The following ZNF841 variants were observed in gnomAD, a reference collection of about 807,000 sequenced individuals.
ZNF841 encodes zinc finger protein 841, also known as TCONS_00006091.
A neutral mutation model predicts 13.0 loss-of-function variants in ZNF841; 11 were observed. That is an observed-to-expected ratio of 0.85 (90% CI 0.53 to 1.40). The LOEUF is 1.40. Among genes scored for constraint, ZNF841 ranks in the 40% most tolerant of loss-of-function variants. The probability of loss-of-function intolerance (pLI) is 0.00; values close to 1 mark genes in which losing one functional copy is unlikely to be tolerated. For synonymous variants in ZNF841, 369 were observed against 381.6 expected (o/e 0.97, Z 0.38); for missense variants, 1,068 against 1,139.5 (o/e 0.94, Z 0.90).
chr19:52,058,492 G>C, the ZNF841 span: 1 of 152,266 alleles, frequency 6.6e-6, no homozygotes, highest in African/African-American at 2.4e-5. Context: ...TCAAAAAATA[G>C]ATTCAGATTC....
intron 2 of ZNF841, among the ~76,000 whole-genome samples, chr19:52,090,625 A>G (rs994009617): frequency 8.0e-6 from 1 of 124,378 alleles, no homozygotes; most frequent in Non-Finnish European, 1.6e-5. Context: ...GAAAGAAAGA[A>G]AGAAAGAAGG....
intron 2 of ZNF841, among the ~76,000 whole-genome samples, chr19:52,090,614 A>G (rs1440227023): frequency 8.9e-6 from 1 of 112,858 alleles, no homozygotes; most frequent in Admixed American, 9.6e-5. Context: ...TCTTAAAAAA[A>G]GAAAGAAAGA....
chr19:52,092,883 G>C (rs997163093), intron 2 of ZNF841, among the ~76,000 whole-genome samples: 1 of 152,226 alleles, frequency 6.6e-6, no homozygotes, highest in Non-Finnish European at 1.5e-5. Flanking sequence ...CACTTTGGGA[G>C]GCCAAGGCGG....
intron 4 of ZNF841, among the ~76,000 whole-genome samples, chr19:52,081,688 T>C (rs1226775400): frequency 2.0e-5 from 3 of 152,126 alleles, no homozygotes; most frequent in African/African-American, 7.2e-5. Context: ...ATCCCATCTC[T>C]ACAAAGAGTA....
chr19:52,070,554 C>G (rs2087709886), intron 6 of ZNF841, among the ~76,000 whole-genome samples: 1 of 152,198 alleles, frequency 6.6e-6, no homozygotes, highest in Admixed American at 6.5e-5. Context: ...GTGATTGCCT[C>G]CAGCAAACCT....
chr19:52,091,621 C>T (rs1426279255), intron 2 of ZNF841, among the ~76,000 whole-genome samples: 3 of 152,144 alleles, frequency 2.0e-5, no homozygotes, highest in African/African-American at 7.2e-5. Flanking sequence ...GTCGGGAAAA[C>T]TGTATATTCA....
rs753510497 is a variant in ZNF841, at chr19:52,066,614, T to C, written c.1268A>G (p.His423Arg). 65 of 1,613,622 alleles carry C rather than the reference T, an allele frequency of 4.0e-5. No individual in the cohort carries two copies. The highest frequency in any genetic ancestry group is 5.1e-5 in the Non-Finnish European group (60 of 1,179,818). The change falls in exon 7 of 7, where the codon CAT becomes CGT. Residue 423 changes from histidine (H) to arginine (R), a missense_variant. Physicochemically the swap from His to Arg is conservative, Grantham distance 29. Coordinates refer to ENST00000594440, the MANE Select transcript of ZNF841 (RefSeq NM_001136499.2). ...NSSLTAHHIIHAGKKPYTCDV... is the reference protein window; with the variant it reads ...NSSLTAHHIIRAGKKPYTCDV... Reference sequence around the variant, plus strand: ...ACATGTATATGGTTTCTTTCCTGCATGGATTATATGATGTGCAGTGAGGCT... The same window carrying C: ...ACATGTATATGGTTTCTTTCCTGCACGGATTATATGATGTGCAGTGAGGCT...
chr19:52,095,670 C>G lies in ZNF841; in HGVS notation c.-365G>C, dbSNP rs1388829152. ...GAGGACTGCGAAGTGCACGTTTAATCAAGGTAGACGAAGAGAAGCAAACGT... is the reference window on the plus strand; with the variant it reads ...GAGGACTGCGAAGTGCACGTTTAATGAAGGTAGACGAAGAGAAGCAAACGT... On this transcript the variant is annotated 5_prime_UTR_variant, in exon 1 of 7. Coordinates refer to ENST00000594440, the MANE Select transcript of ZNF841 (RefSeq NM_001136499.2). 1 of 152,268 alleles carries G rather than the reference C, an allele frequency of 6.6e-6. No homozygotes were observed. The allele number at this position is 152,268 out of a possible 1,614,324, so 9.4% of individuals were successfully genotyped here. A position where few individuals can be genotyped will look rare whatever the true frequency, so the allele number is the denominator to read the frequency against.
intron 4 of ZNF841, among the ~76,000 whole-genome samples, chr19:52,083,994 TAA>T (rs1208625628): frequency 5.9e-5 from 9 of 152,038 alleles, no homozygotes; most frequent in African/African-American, 2.2e-4. Flanking sequence ...ATGTGATGTT[TAA>T]AATAAATGTA....
At chr19:52,072,659 T>C (rs1261833957) in intron 6 of ZNF841, among the ~76,000 whole-genome samples, 1 of 151,792 alleles carries the variant, frequency 6.6e-6, no homozygotes, top group East Asian at 1.9e-4. Flanking sequence ...CTGGCCAACA[T>C]AGTGAAACCC....
intron 6 of ZNF841, among the ~76,000 whole-genome samples, chr19:52,072,531 C>A (rs2087767684): frequency 1.3e-5 from 2 of 152,082 alleles, no homozygotes; most frequent in South Asian, 4.1e-4. Flanking sequence ...ATTAGATTAT[C>A]AACAAATATG....
In ZNF841 at chr19:52,066,305, G is replaced by C. The variant is rs2087558451; in HGVS notation, c.1577C>G (p.Ser526Ter). 1 of 1,613,758 alleles carries C rather than the reference G, an allele frequency of 6.2e-7. No homozygotes were observed. Among genetic ancestry groups the C allele is most frequent in the African/African-American group, 1.3e-5 (1 of 74,892 alleles). Reference sequence around the variant, plus strand: ...AATTCTCTGATGTACAGTTAGTAATGAGCCCCAATTAAAGGCTTTGCCACA... The same window carrying C: ...AATTCTCTGATGTACAGTTAGTAATCAGCCCCAATTAAAGGCTTTGCCACA... Reference protein sequence around the residue: ...NECGKAFNWGSLLTVHQRIHT... With the variant: ...NECGKAFNWG Residue 526 changes from serine (S) to a stop codon, truncating the protein, a stop_gained, in exon 7 of 7, where the codon TCA (serine) becomes TGA (stop). Transcript: ENST00000594440. LOFTEE classifies it low-confidence loss of function (END_TRUNC).
At chr19:52,078,161 GCACCTGTAGTCC>G (rs1409743154) in intron 4 of ZNF841, among the ~76,000 whole-genome samples, 1 of 152,030 alleles carries the variant, frequency 6.6e-6, no homozygotes, top group Non-Finnish European at 1.5e-5. Context: ...GTGGTGGTGT[GCACCTGTAGTCC>G]CAGCTACTGG....
At chr19:52,076,406 T>A in intron 5 of ZNF841, 1 of 435,784 alleles carries the variant, frequency 2.3e-6, no homozygotes, top group Non-Finnish European at 4.1e-6. Flanking sequence ...CTCAAGCCTG[T>A]AATCTCAGCA....
At chr19:52,060,675 G>T (rs1027953823), downstream of ZNF841, among the ~76,000 whole-genome samples, 2 of 152,116 alleles carry the variant, frequency 1.3e-5, no homozygotes, top group Non-Finnish European at 2.9e-5. Flanking sequence ...TGGCTGCCCT[G>T]CCCAGAAAGG....
chr19:52,059,875 C>T (rs1404094681), downstream of ZNF841, among the ~76,000 whole-genome samples: 1 of 152,166 alleles, frequency 6.6e-6, no homozygotes, highest in Admixed American at 6.5e-5. Flanking sequence ...TTAAAAGTAC[C>T]TCTGATTGGT....
At chr19:52,064,206 C>T (rs972341153), downstream of ZNF841, among the ~76,000 whole-genome samples, 5 of 151,532 alleles carry the variant, frequency 3.3e-5, no homozygotes, top group Admixed American at 1.3e-4. Context: ...ATTAGCCGGG[C>T]GCGGTGGCGA....
chr19:52,094,946 G>T (rs1199337727), intron 1 of ZNF841, among the ~76,000 whole-genome samples: 42 of 151,904 alleles, frequency 2.8e-4, no homozygotes, highest in Non-Finnish European at 8.8e-5. Context: ...AGTCCCTAAA[G>T]TATCATCCAT....
chr19:52,065,179 T>C lies in ZNF841; in HGVS notation c.2703A>G (p.Gly901=). Residue 901 remains glycine (G), a synonymous_variant, in exon 7 of 7, where the codon GGA becomes GGG. Coordinates refer to ENST00000594440, the MANE Select transcript of ZNF841 (RefSeq NM_001136499.2). The part of the protein sequence containing the change: ...GLTKHQIKHA[G]ENLTTKLNVE... ...CATTGAGTTTAGTTGTAAGGTTCTC[T>C]CCAGCATGTTTTATCTGATGTTTAG... is the stretch of plus-strand genomic sequence containing the variant. The C allele has an allele frequency of 6.2e-7, 1 of 1,600,262 alleles. No individual in the cohort carries two copies. Among genetic ancestry groups the C allele is most frequent in the East Asian group, 2.2e-5 (1 of 44,810 alleles).
Sources: gnomAD v4.1 joint callset for allele counts (sites outside exome capture counted in the v4.1 genomes callset) on GRCh38, gnomAD v4.1.1 for gene constraint, MANE v1.5 for transcripts, NCBI Gene and HGNC (gene_info 2026-07-23, HGNC 2026-07-21) for gene names.